Variants in RCN1 observed in about 807,000 individuals in gnomAD.
The protein encoded by RCN1 is reticulocalbin 1.
In RCN1, 14 loss-of-function variants were observed where a neutral mutation model predicts 34.7. The ratio of observed to expected loss-of-function variants is 0.40; its 90% confidence interval spans 0.27 to 0.63. The LOEUF (loss-of-function observed/expected upper bound fraction) is 0.63, where lower values mean the gene tolerates loss of function less well. Among genes scored for constraint, RCN1 ranks in the 30% least tolerant of loss-of-function variants. RCN1 has a pLI of 0.37. For synonymous variants in RCN1, 125 were observed against 165.5 expected (o/e 0.76, Z 1.88); for missense variants, 326 against 425.1 (o/e 0.77, Z 2.05).
At position 32,097,313 on chromosome 11, in the gene RCN1, C is replaced by A; in HGVS notation, c.424C>A (p.Gln142Lys). 1 of 1,581,824 alleles carries A rather than the reference C, an allele frequency of 6.3e-7. No homozygotes were observed. Among genetic ancestry groups the A allele is most frequent in the East Asian group, 2.3e-5 (1 of 44,422 alleles). The change falls in exon 2 of 6, where the codon CAA becomes AAA. Residue 142 changes from glutamine (Q) to lysine (K), a missense_variant. By Grantham distance (53) the Gln-to-Lys change is moderately conservative. Transcript: ENST00000054950. ...DDKISWEEYK[Q>K]ATYGYYLGNP... Reference sequence around the variant, plus strand: ...TAAAATTTCCTGGGAAGAATACAAACAAGCCACCTATGGTTACTACCTAGG... The same window carrying A: ...TAAAATTTCCTGGGAAGAATACAAAAAAGCCACCTATGGTTACTACCTAGG...
In RCN1 at chr11:32,091,292, G is replaced by A. The variant is rs1200336549; in HGVS notation, c.96G>A (p.Thr32=). 1 of 1,544,388 alleles carries A rather than the reference G, an allele frequency of 6.5e-7. No individual in the cohort carries two copies. Among genetic ancestry groups the A allele is most frequent in the Non-Finnish European group, 8.7e-7 (1 of 1,144,684 alleles). ...LAPRVLRAKP[T]VRKERVVRPD... is the part of the protein sequence containing the mutation. ...CGCGGGTTCTGCGGGCCAAGCCCAC[G>A]GTGCGCAAAGAGCGCGTGGTGCGGC... is the stretch of plus-strand genomic sequence containing the variant. Residue 32 remains threonine, a synonymous_variant, in exon 1 of 6, where the codon ACG becomes ACA. Coordinates refer to ENST00000054950, the MANE Select transcript of RCN1 (RefSeq NM_002901.4).
intron 4 of RCN1, among the ~76,000 whole-genome samples, chr11:32,101,553 G>A (rs1157309447): frequency 2.0e-5 from 3 of 152,150 alleles, no homozygotes; most frequent in Non-Finnish European, 4.4e-5. Flanking sequence ...TGCCATCCCA[G>A]ACACGAGAAC....
rs1852089267 is a variant in RCN1, at chr11:32,104,806, T to C, written c.*334T>C. On this transcript the variant is annotated 3_prime_UTR_variant, in exon 6 of 6. Coordinates refer to ENST00000054950, the MANE Select transcript of RCN1 (RefSeq NM_002901.4). The stretch of plus-strand genomic sequence containing the variant: ...AAAGCCCTGTTCTTCAGAAGGTGAG[T>C]GGGTTGAGGGAGGCAGTAATATGAA... The C allele has an allele frequency of 4.2e-6, 1 of 237,780 alleles. No individual in the cohort carries two copies. The highest frequency in any genetic ancestry group is 8.8e-6 in the Non-Finnish European group (1 of 114,090). 14.7% of individuals were successfully genotyped at this position (237,780 alleles called of 1,614,324 possible).
chr11:32,100,691 C>T (rs552596827), intron 4 of RCN1, 83 bp downstream of exon 4: 17 of 1,128,514 alleles, frequency 1.5e-5, no homozygotes, highest in East Asian at 7.1e-5. Flanking sequence ...TTTCCCCAGA[C>T]GTCTCTTTTA....
chr11:32,099,495 G>T (rs1166664079), intron 3 of RCN1, among the ~76,000 whole-genome samples: 3 of 152,198 alleles, frequency 2.0e-5, no homozygotes, highest in South Asian at 2.1e-4. Flanking sequence ...TACCCTTAGC[G>T]GGTGGGTCTT....
intron 1 of RCN1, among the ~76,000 whole-genome samples, chr11:32,092,660 T>C (rs193192150): frequency 6.6e-4 from 100 of 152,198 alleles, no homozygotes; most frequent in African/African-American, 2.4e-3. Context: ...TATCTGGTGG[T>C]CCTTGCACAG....
At position 32,105,195 on chromosome 11, in the gene RCN1, C is replaced by T. The variant is rs1368429747; in HGVS notation, c.*723C>T. 1 of 167,022 alleles carries T rather than the reference C, an allele frequency of 6.0e-6. No individual in the cohort carries two copies. The highest frequency in any genetic ancestry group is 1.5e-5 in the Non-Finnish European group (1 of 68,118). The allele number at this position is 167,022 out of a possible 1,614,324, so 10.3% of individuals were successfully genotyped here. ...TGAAGAACTATAGTAAAATGATAAA[C>T]ACTAAATATACTTGAGAAAACTTTC... On this transcript the variant is annotated 3_prime_UTR_variant, in exon 6 of 6. Coordinates refer to ENST00000054950, the MANE Select transcript of RCN1 (RefSeq NM_002901.4).
chr11:32,100,222 G>A (rs550157654), intron 3 of RCN1, among the ~76,000 whole-genome samples: 1 of 152,332 alleles, frequency 6.6e-6, no homozygotes, highest in South Asian at 2.1e-4. Context: ...TTTCTCGCAT[G>A]TTCCCCAGTG....
At chr11:32,100,632 C>G in intron 4 of RCN1, 24 bp downstream of exon 4, 1 of 1,601,146 alleles carries the variant, frequency 6.2e-7, no homozygotes, top group Non-Finnish European at 8.6e-7. Flanking sequence ...TAGAGTCTTG[C>G]TCAGCTGTCC....
intron 1 of RCN1, 26 bp downstream of exon 1, chr11:32,091,476 G>T (rs1415125808): frequency 2.3e-5 from 36 of 1,537,330 alleles, no homozygotes; most frequent in Non-Finnish European, 3.0e-5. Flanking sequence ...GGGCCCCGTG[G>T]GGGGCGGCGC....
intron 4 of RCN1, chr11:32,102,969 C>A (rs1182492981): frequency 2.0e-6 from 1 of 497,044 alleles, no homozygotes; most frequent in Admixed American, 2.3e-5. Context: ...TCATAATAGC[C>A]CCATGATTTA....
At position 32,103,948 on chromosome 11, in the gene RCN1, A is replaced by G. The variant is rs185633559; in HGVS notation, c.889-417A>G. 4.1e-4 allele frequency among the ~76,000 whole-genome samples: 62 copies of G among 152,336 alleles called. 1 individual carries two copies. The highest frequency in any genetic ancestry group is 4.0e-3 in the Admixed American group (61 of 15,306). ...TTCGGTATCTATTGATAAACATCCA[A>G]ATAAACAAATCAATACATTTAGAAA... is the stretch of plus-strand genomic sequence containing the variant. On this transcript the variant is annotated intron_variant, in intron 5 of 5. Transcript: ENST00000054950.
In RCN1 at chr11:32,091,320, G is replaced by A; in HGVS notation, c.124G>A (p.Asp42Asn). The change falls in exon 1 of 6, where the codon GAC becomes AAC. Residue 42 changes from aspartate to asparagine, a missense_variant. Transcript: ENST00000054950. ...GCGCAAAGAGCGCGTGGTGCGGCCCGACTCGGAGCTGGGCGAGCGGCCCCC... is the reference window on the plus strand; with the variant it reads ...GCGCAAAGAGCGCGTGGTGCGGCCCAACTCGGAGCTGGGCGAGCGGCCCCC... ...TVRKERVVRP[D>N]SELGERPPED... The A allele has an allele frequency of 6.5e-7, 1 of 1,547,690 alleles. No individual in the cohort carries two copies. The highest frequency in any genetic ancestry group is 1.4e-5 in the African/African-American group (1 of 72,974).
At chr11:32,092,340 T>G (rs1032938614) in intron 1 of RCN1, among the ~76,000 whole-genome samples, 29 of 152,080 alleles carry the variant, frequency 1.9e-4, no homozygotes, top group African/African-American at 6.7e-4. Context: ...TAAAATCTAG[T>G]GTAGGGATAC....
chr11:32,095,533 G>A (rs571956626), intron 1 of RCN1, among the ~76,000 whole-genome samples: 4 of 152,036 alleles, frequency 2.6e-5, no homozygotes, highest in Admixed American at 1.3e-4. Context: ...TCAGCCTCCC[G>A]AGTAGCTGGG....
rs1851918901 is a variant in RCN1, at chr11:32,091,340, G to A, written c.144G>A (p.Arg48=). ...GGCCCGACTCGGAGCTGGGCGAGCG[G>A]CCCCCTGAGGACAACCAGAGCTTCC... ...VVRPDSELGE[R]PPEDNQSFQY... Residue 48 remains arginine, a synonymous_variant, in exon 1 of 6, where the codon CGG becomes CGA. Transcript: ENST00000054950. 2 of 1,548,414 alleles carry A rather than the reference G, an allele frequency of 1.3e-6. No homozygotes were observed. The highest frequency in any genetic ancestry group is 2.0e-5 in the Admixed American group (1 of 50,950).
chr11:32,104,274 T>C, intron 5 of RCN1, 91 bp from the exon 6 acceptor site: 1 of 754,692 alleles, frequency 1.3e-6, no homozygotes, highest in East Asian at 2.7e-5. Flanking sequence ...GTATTTTAAA[T>C]GTTGTACATC....
In RCN1 at chr11:32,104,632, A is replaced by G. The variant is rs961267860; in HGVS notation, c.*160A>G. ...TTGTTTTTCGCTCAGTATTTACTGGAAAATGGACATCACTAGTCTTTCAGT... is the reference window on the plus strand; with the variant it reads ...TTGTTTTTCGCTCAGTATTTACTGGGAAATGGACATCACTAGTCTTTCAGT... On this transcript the variant is annotated 3_prime_UTR_variant, in exon 6 of 6. Coordinates refer to ENST00000054950, the MANE Select transcript of RCN1 (RefSeq NM_002901.4). 3 of 541,162 alleles carry G rather than the reference A, an allele frequency of 5.5e-6. No individual in the cohort carries two copies. The highest frequency in any genetic ancestry group is 6.1e-5 in the East Asian group (2 of 32,880). The allele number at this position is 541,162 out of a possible 1,614,324, so 33.5% of individuals were successfully genotyped here.
intron 3 of RCN1, among the ~76,000 whole-genome samples, chr11:32,100,197 G>T (rs1348301431): frequency 6.6e-6 from 1 of 152,180 alleles, no homozygotes; most frequent in Non-Finnish European, 1.5e-5. Flanking sequence ...CTAATCCAGT[G>T]GTTCTCACAC....
Sources: gnomAD v4.1 joint callset for allele counts (sites outside exome capture counted in the v4.1 genomes callset) on GRCh38, gnomAD v4.1.1 for gene constraint, MANE v1.5 for transcripts, NCBI Gene and HGNC (gene_info 2026-07-23, HGNC 2026-07-21) for gene names.